The following CCKBR variants were observed in gnomAD, a reference collection of about 807,000 sequenced individuals.
The protein encoded by CCKBR is cholecystokinin B receptor, also known as gastrin/cholecystokinin type B receptor.
Under a neutral mutation model 34.6 loss-of-function variants are expected in CCKBR, and 33 were observed. The ratio of observed to expected loss-of-function variants is 0.95; its 90% CI spans 0.72 to 1.27. The LOEUF (loss-of-function observed/expected upper bound fraction) is 1.27, where lower values mean the gene tolerates loss of function less well. CCKBR is among the 50% of genes most tolerant of loss of function. The pLI is 0.00. For synonymous variants in CCKBR, 269 were observed against 267.5 expected, an observed-to-expected ratio of 1.01 and a Z score of -0.06; for missense variants, 652 against 617.4, an observed-to-expected ratio of 1.06 and a Z score of -0.59.
intron 1 of CCKBR, among the ~76,000 whole-genome samples, chr11:6,268,411 A>C (rs1408294573): frequency 6.6e-6 from 1 of 152,094 alleles, no homozygotes; most frequent in Non-Finnish European, 1.5e-5. Flanking sequence ...GTTCAATCCA[A>C]TTCGATTTTA....
Position 6,270,250 on chromosome 11 carries a change from A to G in CCKBR, c.566A>G (p.Tyr189Cys). ...CTGTCCGGACTACTCATGGTGCCCTACCCCGTGTACACTGTCGTGCAACCA... is the reference window on the plus strand; with the variant it reads ...CTGTCCGGACTACTCATGGTGCCCTGCCCCGTGTACACTGTCGTGCAACCA... ...WLLSGLLMVP[Y>C]PVYTVVQPVG... The change falls in exon 3 of 5, where the codon TAC becomes TGC. Residue 189 changes from tyrosine (Y) to cysteine (C), a missense_variant. Transcript: ENST00000334619. 1 of 1,613,064 alleles carries G rather than the reference A, an allele frequency of 6.2e-7. No individual in the cohort carries two copies.
chr11:6,271,560 G>A lies in CCKBR; in HGVS notation c.*17G>A, dbSNP rs202141489. On this transcript the variant is annotated 3_prime_UTR_variant, in exon 5 of 5. Coordinates refer to ENST00000334619, the MANE Select transcript of CCKBR (RefSeq NM_176875.4). The stretch of plus-strand genomic sequence containing the variant: ...CCTGGCTGAGGAGTAGAGGGGCCGT[G>A]GGGGTTGAGGCAGGGCAAATGACAT... 29 of 1,563,058 alleles carry A rather than the reference G, an allele frequency of 1.9e-5. No homozygotes were observed. The highest frequency in any genetic ancestry group is 3.5e-5 in the South Asian group (3 of 85,812).
At position 6,271,446 on chromosome 11, in the gene CCKBR, G is replaced by T. The variant is rs764410444; in HGVS notation, c.1247G>T (p.Arg416Leu). 9 of 1,613,324 alleles carry T rather than the reference G, an allele frequency of 5.6e-6. No homozygotes were observed. In the Admixed American group the frequency reaches 1.2e-4, roughly 21 times the overall value. ...ARCCPRPPRA[R>L]PRALPDEDPP... is the part of the protein sequence containing the mutation. ...TGCTGCCCCCGGCCTCCACGAGCTC[G>T]CCCCAGGGCTCTTCCCGATGAGGAC... Residue 416 changes from arginine (R) to leucine (L), a missense_variant, in exon 5 of 5, where the codon CGC (arginine) becomes CTC (leucine). By Grantham distance (102) the Arg-to-Leu change is moderately radical (BLOSUM62 -2). Coordinates refer to ENST00000334619, the MANE Select transcript of CCKBR (RefSeq NM_176875.4).
intron 1 of CCKBR, among the ~76,000 whole-genome samples, chr11:6,264,085 T>C (rs574790250): frequency 6.6e-6 from 1 of 152,384 alleles, no homozygotes; most frequent in African/African-American, 2.4e-5. Flanking sequence ...ATGTTACCAT[T>C]CTCCAGATAT....
At chr11:6,270,401 T>C in intron 3 of CCKBR, 64 bp downstream of exon 3, 1 of 1,543,642 alleles carries the variant, frequency 6.5e-7, no homozygotes, top group South Asian at 1.2e-5. Context: ...CTTACGACCA[T>C]TGCCCAGAAT....
intron 1 of CCKBR, among the ~76,000 whole-genome samples, chr11:6,262,405 A>G (rs966175203): frequency 2.0e-5 from 3 of 152,214 alleles, no homozygotes; most frequent in African/African-American, 7.2e-5. Flanking sequence ...AGATGAAACC[A>G]TCAGAAAGGC....
In CCKBR at chr11:6,271,696, A is replaced by T; in HGVS notation, c.*153A>T. On this transcript the variant is annotated 3_prime_UTR_variant, in exon 5 of 5. Coordinates refer to ENST00000334619, the MANE Select transcript of CCKBR (RefSeq NM_176875.4). ...AGGAAAAGGTAGCTTACCTGACACA[A>T]GAGGAATAAGAATGGAGCAGTACAT... 2 of 723,080 alleles carry T rather than the reference A, an allele frequency of 2.8e-6. No individual in the cohort carries two copies. Among genetic ancestry groups the T allele is most frequent in the Non-Finnish European group, 4.4e-6 (2 of 451,596 alleles). 44.8% of individuals were successfully genotyped at this position (723,080 alleles called of 1,614,324 possible). A position where few individuals can be genotyped will look rare whatever the true frequency, so the allele number is the denominator to read the frequency against.
At chr11:6,260,777 G>A (rs1848118019) in intron 1 of CCKBR, among the ~76,000 whole-genome samples, 1 of 152,180 alleles carries the variant, frequency 6.6e-6, no homozygotes, top group Admixed American at 6.5e-5. Flanking sequence ...TCCAGCCCTA[G>A]GCTAGGTGCT....
intron 1 of CCKBR, among the ~76,000 whole-genome samples, chr11:6,265,662 A>T (rs1848199220): frequency 6.6e-6 from 1 of 152,166 alleles, no homozygotes; most frequent in Non-Finnish European, 1.5e-5. Context: ...CCCTCCTAAA[A>T]GTCCTTTATT....
chr11:6,268,273 T>C (rs973226446), intron 1 of CCKBR, among the ~76,000 whole-genome samples: 1 of 152,180 alleles, frequency 6.6e-6, no homozygotes, highest in Non-Finnish European at 1.5e-5. Context: ...TATGGGGCTC[T>C]GGAAGAGGGG....
chr11:6,265,925 A>G (rs1848202756), intron 1 of CCKBR, among the ~76,000 whole-genome samples: 1 of 152,150 alleles, frequency 6.6e-6, no homozygotes, highest in South Asian at 2.1e-4. Flanking sequence ...TGACGGATGG[A>G]TGAGGAGGGG....
rs757005445 is a variant in CCKBR at position 6,270,230 on chromosome 11, C to T, written c.546C>T (p.Ser182=). The change falls in exon 3 of 5, where the codon TCC becomes TCT. Residue 182 remains serine, a synonymous_variant. Coordinates refer to ENST00000334619, the MANE Select transcript of CCKBR (RefSeq NM_176875.4). ...TGATTGTAGCCACGTGGCTGCTGTC[C>T]GGACTACTCATGGTGCCCTACCCCG... The part of the protein sequence containing the change: ...ARVIVATWLL[S]GLLMVPYPVY... 1.4e-5 allele frequency: 22 copies of T among 1,613,074 alleles called. No individual in the cohort carries two copies. Among genetic ancestry groups the T allele is most frequent in the South Asian group, 1.1e-4 (10 of 91,086 alleles).
intron 1 of CCKBR, 24 bp from the exon 2 acceptor site, chr11:6,269,645 C>T (rs1436788447): frequency 4.4e-6 from 7 of 1,607,488 alleles, no homozygotes; most frequent in Non-Finnish European, 5.9e-6. Flanking sequence ...CCCCCTACTG[C>T]CACCTCTCCC....
chr11:6,269,420 A>G (rs1334726288), intron 1 of CCKBR, among the ~76,000 whole-genome samples: 2 of 152,208 alleles, frequency 1.3e-5, no homozygotes, highest in African/African-American at 4.8e-5. Context: ...TGCAGAAAGA[A>G]GGAAAGATTT....
intron 1 of CCKBR, among the ~76,000 whole-genome samples, chr11:6,269,252 G>C (rs73395102): frequency 6.6e-6 from 1 of 151,698 alleles, no homozygotes; most frequent in Non-Finnish European, 1.5e-5. Context: ...ATACTCTAGC[G>C]GGGTCAAATA....
intron 4 of CCKBR, 41 bp downstream of exon 4, chr11:6,270,844 G>C: frequency 6.2e-7 from 1 of 1,613,614 alleles, no homozygotes; most frequent in Non-Finnish European, 8.5e-7. Context: ...GCGAGGCGGA[G>C]CTTTGGAGGG....
At chr11:6,270,572 T>C in intron 3 of CCKBR, 74 bp from the exon 4 acceptor site, 1 of 1,498,466 alleles carries the variant, frequency 6.7e-7, no homozygotes, top group Non-Finnish European at 9.0e-7. Flanking sequence ...CTAGAAACAC[T>C]AGTCCTTGGC....
Position 6,270,625 on chromosome 11 carries a change from ATCTG to A in CCKBR, c.654-15_654-12del, listed in dbSNP as rs1564888597. 1.9e-6 allele frequency: 3 copies of A among 1,577,522 alleles called. No individual in the cohort carries two copies. Among genetic ancestry groups the A allele is most frequent in the South Asian group, 1.1e-5 (1 of 87,120 alleles). On this transcript the variant is annotated splice_polypyrimidine_tract_variant and intron_variant, in intron 3 of 4. Coordinates refer to ENST00000334619, the MANE Select transcript of CCKBR (RefSeq NM_176875.4). ...TTACAGCTGGACAGAAACCCGAGTG[ATCTG>A]TCTGTGTTGCCTTCAGGTCCGTACT... is the stretch of plus-strand genomic sequence containing the variant.
intron 3 of CCKBR, 27 bp from the exon 4 acceptor site, chr11:6,270,619 C>T (rs766367431): frequency 1.9e-6 from 3 of 1,570,358 alleles, no homozygotes; most frequent in African/African-American, 1.4e-5. Flanking sequence ...GACAGAAACC[C>T]GAGTGATCTG....
Sources: gnomAD v4.1 joint callset for allele counts (sites outside exome capture counted in the v4.1 genomes callset) on GRCh38, gnomAD v4.1.1 for gene constraint, MANE v1.5 for transcripts, NCBI Gene and HGNC (gene_info 2026-07-23, HGNC 2026-07-21) for gene names.